The following ARHGAP5 variants were observed in gnomAD, a reference collection of about 807,000 sequenced individuals.
ARHGAP5 encodes Rho GTPase activating protein 5, also known as rho GTPase-activating protein 5.
ARHGAP5 carries 23 observed loss-of-function variants against 116.6 expected under a neutral mutation model. The ratio of observed to expected loss-of-function variants is 0.20; its 90% CI spans 0.14 to 0.28. The LOEUF (loss-of-function observed/expected upper bound fraction) is 0.28. Among genes scored for constraint, ARHGAP5 ranks in the 10% least tolerant of loss-of-function variants. The pLI is 1.00. For missense variants in ARHGAP5, 1,405 were observed against 1,774.8 expected (o/e 0.79, Z 3.74); for synonymous variants, 574 against 602.0 (o/e 0.95, Z 0.68).
chr14:32,140,094 GTTCTTTTTTT>G (rs1881035069), intron 3 of ARHGAP5, among the ~76,000 whole-genome samples: 1 of 32,450 alleles, frequency 3.1e-5, no homozygotes, highest in Non-Finnish European at 5.6e-5. Context: ...TAGGTTATTT[GTTCTTTTTTT>G]TTTTTTTTTC....
chr14:32,091,682 A>T lies in ARHGAP5; in HGVS notation c.1013A>T (p.Tyr338Phe). Residue 338 changes from tyrosine (Y) to phenylalanine (F), a missense_variant, in exon 2 of 7, where the codon TAT (tyrosine) becomes TTT (phenylalanine). Physicochemically the swap from Tyr to Phe is conservative, Grantham distance 22. This residue lies in a region of ARHGAP5 where 944 missense variants were observed against 1,095.3 expected (regional missense o/e 0.86). Coordinates refer to ENST00000345122, the MANE Select transcript of ARHGAP5 (RefSeq NM_001030055.2). ...CATATAAGAAAAAGGAGAGAAGAGT[A>T]TATAAATACTTTACCAAGAGCTTTT... The part of the protein sequence containing the change: ...QEHIRKRREE[Y>F]INTLPRAFNT... 1 of 1,609,770 alleles carries T rather than the reference A, an allele frequency of 6.2e-7. No individual in the cohort carries two copies. The highest frequency in any genetic ancestry group is 8.5e-7 in the Non-Finnish European group (1 of 1,178,540).
chr14:32,119,688 GT>G (rs1879786529), intron 3 of ARHGAP5, among the ~76,000 whole-genome samples: 1 of 152,058 alleles, frequency 6.6e-6, no homozygotes, highest in African/African-American at 2.4e-5. Flanking sequence ...AACATTCCTA[GT>G]TTGCTGAGTT....
At chr14:32,082,784 C>G (rs1023252361) in intron 1 of ARHGAP5, among the ~76,000 whole-genome samples, 6 of 152,244 alleles carry the variant, frequency 3.9e-5, no homozygotes, top group Admixed American at 3.3e-4. Context: ...AAGTGATCTG[C>G]TGGCCTCTGC....
chr14:32,129,004 T>A (rs1880337721), intron 3 of ARHGAP5, among the ~76,000 whole-genome samples: 1 of 152,202 alleles, frequency 6.6e-6, no homozygotes, highest in East Asian at 1.9e-4. Context: ...GCTTTCTAAA[T>A]TTTTTTCTGC....
intron 5 of ARHGAP5, among the ~76,000 whole-genome samples, chr14:32,151,460 A>G (rs953240929): frequency 6.6e-6 from 1 of 152,256 alleles, no homozygotes; most frequent in African/African-American, 2.4e-5. Context: ...ATGGATTACA[A>G]GTAATTGTAG....
At chr14:32,128,529 G>GCTAT (rs1299766063) in intron 3 of ARHGAP5, among the ~76,000 whole-genome samples, 3 of 152,240 alleles carry the variant, frequency 2.0e-5, no homozygotes, top group Non-Finnish European at 4.4e-5. Flanking sequence ...CTGCGTGTCG[G>GCTAT]CTATCGGTGC....
chr14:32,111,028 A>G (rs968160834), intron 2 of ARHGAP5, among the ~76,000 whole-genome samples: 9 of 152,308 alleles, frequency 5.9e-5, no homozygotes, highest in Admixed American at 5.2e-4. Context: ...GCTTCAGGAG[A>G]AAGAGCTGCG....
In ARHGAP5 at chr14:32,092,483, G is replaced by C. The variant is rs1566660877; in HGVS notation, c.1814G>C (p.Gly605Ala). ...KVNLFILGKD[G>A]LAQELANEIR... is the part of the protein sequence containing the mutation. ...AACCTTTTTATTTTAGGGAAGGATG[G>C]CCTTGCCCAAGAACTAGCAAATGAG... Residue 605 changes from glycine to alanine, a missense_variant, in exon 2 of 7, where the codon GGC (glycine) becomes GCC (alanine). Physicochemically the swap from Gly to Ala is moderately conservative, Grantham distance 60. Transcript: ENST00000345122. This position sits in a 1 kb window ranked among gnomAD's most constrained non-coding sequence, Gnocchi z 4.1. The C allele has an allele frequency of 1.2e-6, 2 of 1,613,994 alleles. No homozygotes were observed. Among genetic ancestry groups the C allele is most frequent in the South Asian group, 1.1e-5 (1 of 91,076 alleles).
At chr14:32,119,288 G>T (rs1478108576) in intron 3 of ARHGAP5, among the ~76,000 whole-genome samples, 1 of 151,938 alleles carries the variant, frequency 6.6e-6, no homozygotes, top group African/African-American at 2.4e-5. Flanking sequence ...GGTTCAACTT[G>T]TAAATATATT....
At chr14:32,078,939 TTGAG>T (rs1211536493) in intron 1 of ARHGAP5, among the ~76,000 whole-genome samples, 2 of 152,250 alleles carry the variant, frequency 1.3e-5, no homozygotes, top group Non-Finnish European at 2.9e-5. Flanking sequence ...AGATAGTTTC[TTGAG>T]TAAGATTTTG....
At chr14:32,133,757 A>G (rs1368613499) in intron 3 of ARHGAP5, among the ~76,000 whole-genome samples, 1 of 152,194 alleles carries the variant, frequency 6.6e-6, no homozygotes, top group Admixed American at 6.5e-5. Context: ...GATACATCCC[A>G]TCAATACCTA....
chr14:32,134,122 C>T (rs1428890884), intron 3 of ARHGAP5, among the ~76,000 whole-genome samples: 1 of 152,142 alleles, frequency 6.6e-6, no homozygotes, highest in Non-Finnish European at 1.5e-5. Context: ...AGCTTATCCA[C>T]CATGATCAAG....
At chr14:32,084,997 A>G (rs561442277) in intron 1 of ARHGAP5, among the ~76,000 whole-genome samples, 1 of 151,800 alleles carries the variant, frequency 6.6e-6, no homozygotes, top group African/African-American at 2.4e-5. Context: ...TGACAGTGAC[A>G]CCCTATTTAA....
At chr14:32,084,758 G>A (rs1484738833) in intron 1 of ARHGAP5, among the ~76,000 whole-genome samples, 1 of 152,152 alleles carries the variant, frequency 6.6e-6, no homozygotes, top group Admixed American at 6.5e-5. Context: ...TACAAATTGT[G>A]TGCTTTCTGG....
intron 1 of ARHGAP5, among the ~76,000 whole-genome samples, chr14:32,090,031 G>GA (rs1878163154): frequency 6.6e-6 from 1 of 151,832 alleles, no homozygotes; most frequent in Non-Finnish European, 1.5e-5. Flanking sequence ...AAATTCTTAT[G>GA]AAATTCTGTT....
chr14:32,129,212 T>C lies in ARHGAP5; in HGVS notation c.3865+11925T>C, dbSNP rs139016411. Reference sequence around the variant, plus strand: ...GTGTTTCTCTTATAAGTAAATAATATATTTTAGTGGAAAGGCTTTGTGACA... The same window carrying C: ...GTGTTTCTCTTATAAGTAAATAATACATTTTAGTGGAAAGGCTTTGTGACA... On this transcript the variant is annotated intron_variant, in intron 3 of 6. Transcript: ENST00000345122. 1.6e-3 allele frequency among the ~76,000 whole-genome samples: 247 copies of C among 152,336 alleles called. 1 individual carries two copies. Among genetic ancestry groups the C allele is most frequent in the African/African-American group, 5.7e-3 (237 of 41,570 alleles).
At chr14:32,132,550 A>G (rs1414799344) in intron 3 of ARHGAP5, among the ~76,000 whole-genome samples, 1 of 152,148 alleles carries the variant, frequency 6.6e-6, no homozygotes, top group Non-Finnish European at 1.5e-5. Context: ...GTTCACTCTG[A>G]TGGTAGTTTC....
intron 2 of ARHGAP5, among the ~76,000 whole-genome samples, chr14:32,111,839 A>ATTTTTTTTTT (rs34512246): frequency 2.1e-5 from 2 of 93,176 alleles, no homozygotes; most frequent in African/African-American, 4.2e-5. Context: ...TTCTTCTTTG[A>ATTTTTTTTTT]TTTTTTTTTT....
intron 2 of ARHGAP5, among the ~76,000 whole-genome samples, chr14:32,110,253 T>A (rs569062945): frequency 6.7e-6 from 1 of 148,386 alleles, no homozygotes; most frequent in Non-Finnish European, 1.5e-5. Flanking sequence ...CATAGTGTTG[T>A]AGAGAGAAAA....
Sources: gnomAD v4.1 joint callset for allele counts (sites outside exome capture counted in the v4.1 genomes callset) on GRCh38, gnomAD v4.1.1 for gene constraint, gnomAD v4.1.1 regional missense constraint, Gnocchi (gnomAD v3.1) non-coding constraint, MANE v1.5 for transcripts, NCBI Gene and HGNC (gene_info 2026-07-23, HGNC 2026-07-21) for gene names.